PCSK6: variants seen among roughly 807,000 people sequenced by gnomAD.
The protein encoded by PCSK6 is paired basic amino acid cleaving enzyme 4.
A neutral mutation model predicts 123.3 loss-of-function variants in PCSK6; 85 were observed. The observed-to-expected ratio is 0.69, with a 90% confidence interval of 0.58 to 0.83. The LOEUF (loss-of-function observed/expected upper bound fraction) is 0.83. PCSK6 is among the 40% of genes least tolerant of loss of function. PCSK6 has a pLI of 0.00. For missense variants in PCSK6, 1,191 were observed against 1,282.3 expected (o/e 0.93, Z 1.09); for synonymous variants, 508 against 516.0 (o/e 0.98, Z 0.21).
At chr15:101,488,784 G>GT (rs2058082494) in intron 1 of PCSK6, among the ~76,000 whole-genome samples, 1 of 151,420 alleles carries the variant, frequency 6.6e-6, no homozygotes, top group Non-Finnish European at 1.5e-5. Flanking sequence ...GGGCTCCAGG[G>GT]TGCAGGCTCC....
intron 6 of PCSK6, among the ~76,000 whole-genome samples, chr15:101,400,645 G>C (rs2042560530): frequency 6.6e-6 from 1 of 152,214 alleles, no homozygotes; most frequent in Non-Finnish European, 1.5e-5. Flanking sequence ...GAATCCTGCT[G>C]TCCCATCCAT....
chr15:101,423,725 CTG>C (rs922016558), intron 6 of PCSK6, among the ~76,000 whole-genome samples: 3 of 152,102 alleles, frequency 2.0e-5, no homozygotes, highest in African/African-American at 7.2e-5. Flanking sequence ...ACAACTATAA[CTG>C]TGCCCACAGA....
At chr15:101,342,129 CAAAAAAA>C (rs35083182) in intron 13 of PCSK6, among the ~76,000 whole-genome samples, 9 of 51,512 alleles carry the variant, frequency 1.7e-4, no homozygotes, top group South Asian at 9.0e-4. Flanking sequence ...GACCCTGTCT[CAAAAAAA>C]AAAAAAAAAA....
chr15:101,424,717 A>G (rs2056196698), intron 6 of PCSK6, among the ~76,000 whole-genome samples: 1 of 152,248 alleles, frequency 6.6e-6, no homozygotes, highest in South Asian at 2.1e-4. Flanking sequence ...TGTGAAGTAG[A>G]ATCTATAAAA....
chr15:101,349,743 A>G (rs1596214148), intron 13 of PCSK6, among the ~76,000 whole-genome samples: 1 of 152,162 alleles, frequency 6.6e-6, no homozygotes, highest in East Asian at 1.9e-4. Context: ...CCAGCGTGGG[A>G]CCCAGGCTCC....
chr15:101,310,518 G>A (rs1043032489), intron 20 of PCSK6, among the ~76,000 whole-genome samples: 9 of 152,246 alleles, frequency 5.9e-5, no homozygotes, highest in Non-Finnish European at 1.3e-4. Context: ...CTGAGAACCA[G>A]CTGACTGGTT....
At chr15:101,315,729 A>ATG (rs1567137906) in intron 19 of PCSK6, among the ~76,000 whole-genome samples, 1 of 152,218 alleles carries the variant, frequency 6.6e-6, no homozygotes, top group Non-Finnish European at 1.5e-5. Flanking sequence ...GCAACTTGGT[A>ATG]TGTGTGTGCC....
rs745446228 is a variant in PCSK6, at chr15:101,443,681, T to C, written c.298-21A>G. ...CCAATCTGCAAGACAAGAAGCAGAA[T>C]GCCATCAATTAATAGTCTCACGAAC... On this transcript the variant is annotated intron_variant, in intron 1 of 21. Coordinates refer to ENST00000611716, the MANE Select transcript of PCSK6 (RefSeq NM_002570.5). 4.4e-5 allele frequency: 69 copies of C among 1,555,568 alleles called. No homozygotes were observed. In the Admixed American group the frequency reaches 1.1e-3, roughly 25 times the overall value.
intron 7 of PCSK6, among the ~76,000 whole-genome samples, chr15:101,393,746 A>T (rs2042308404): frequency 6.6e-6 from 1 of 152,210 alleles, no homozygotes; most frequent in Non-Finnish European, 1.5e-5. Context: ...CATGCCTGTC[A>T]TTTCCATCGC....
chr15:101,377,283 G>A (rs964214625), intron 11 of PCSK6, among the ~76,000 whole-genome samples: 5 of 152,180 alleles, frequency 3.3e-5, no homozygotes, highest in Admixed American at 2.6e-4. Context: ...GAGGTGGTGC[G>A]CCCAGCTAGC....
rs554401538 is a variant in PCSK6, at chr15:101,319,777, T to C, written c.2466-1355A>G. 1.5e-3 allele frequency among the ~76,000 whole-genome samples: 227 copies of C among 152,316 alleles called. 2 individuals carry two copies. The highest frequency in any genetic ancestry group is 5.1e-3 in the African/African-American group (210 of 41,568). On this transcript the variant is annotated intron_variant, in intron 18 of 21. Coordinates refer to ENST00000611716, the MANE Select transcript of PCSK6 (RefSeq NM_002570.5). ...GGGAGGGTAGCCCAGCCCAGCCCCA[T>C]AGGGATGGAAGGTCCAGCGCTCAAC... is the stretch of plus-strand genomic sequence containing the variant.
intron 1 of PCSK6, among the ~76,000 whole-genome samples, chr15:101,450,941 A>G (rs1428468842): frequency 1.3e-5 from 2 of 151,646 alleles, no homozygotes; most frequent in East Asian, 3.9e-4. Context: ...CCCTTCATTC[A>G]TGGCACGCAC....
At chr15:101,362,103 C>G (rs2041243683) in intron 13 of PCSK6, among the ~76,000 whole-genome samples, 1 of 151,960 alleles carries the variant, frequency 6.6e-6, no homozygotes, top group South Asian at 2.1e-4. Flanking sequence ...ACTACAGGTG[C>G]CCGCCACCAT....
chr15:101,474,107 G>C (rs1290056276), intron 1 of PCSK6, among the ~76,000 whole-genome samples: 1 of 152,122 alleles, frequency 6.6e-6, no homozygotes, highest in Non-Finnish European at 1.5e-5. Flanking sequence ...ACAGCAATAA[G>C]GTTTCTTTTC....
chr15:101,368,425 C>T (rs1395397382), intron 12 of PCSK6, among the ~76,000 whole-genome samples: 3 of 152,198 alleles, frequency 2.0e-5, no homozygotes, highest in South Asian at 4.1e-4. Flanking sequence ...CTAATGTTTA[C>T]AGATAAGTGA....
chr15:101,320,132 T>G (rs2040083736), intron 18 of PCSK6, among the ~76,000 whole-genome samples: 1 of 152,158 alleles, frequency 6.6e-6, no homozygotes, highest in Non-Finnish European at 1.5e-5. Context: ...GTCACCCAGG[T>G]GGGAGTGCAG....
chr15:101,373,910 T>C (rs768340483), intron 11 of PCSK6, among the ~76,000 whole-genome samples: 1 of 152,240 alleles, frequency 6.6e-6, no homozygotes, highest in Non-Finnish European at 1.5e-5. Flanking sequence ...TTTAGAAAGA[T>C]CTTAAAGTCC....
intron 1 of PCSK6, among the ~76,000 whole-genome samples, chr15:101,464,764 G>C (rs777866671): frequency 6.6e-6 from 1 of 152,154 alleles, no homozygotes; most frequent in Non-Finnish European, 1.5e-5. Context: ...CCTCACCAAG[G>C]GGTTAGGAAA....
chr15:101,481,051 G>A (rs950098423), intron 1 of PCSK6, among the ~76,000 whole-genome samples: 6 of 152,180 alleles, frequency 3.9e-5, no homozygotes, highest in African/African-American at 1.4e-4. Flanking sequence ...AATACTCGCT[G>A]AATAAATGAA....
Sources: gnomAD v4.1 joint callset for allele counts (sites outside exome capture counted in the v4.1 genomes callset) on GRCh38, gnomAD v4.1.1 for gene constraint, MANE v1.5 for transcripts, NCBI Gene and HGNC (gene_info 2026-07-23, HGNC 2026-07-21) for gene names.